SLC12A7: variants seen among roughly 807,000 people sequenced by gnomAD.
SLC12A7 encodes solute carrier family 12 member 7.
In SLC12A7, 100 loss-of-function variants were observed where a neutral mutation model predicts 120.6. The ratio of observed to expected loss-of-function variants is 0.83; its 90% CI spans 0.71 to 0.98. SLC12A7 has a LOEUF of 0.98. Among genes scored for constraint, SLC12A7 ranks in the 50% least tolerant of loss-of-function variants. The probability of loss-of-function intolerance (pLI) is 0.00; values close to 1 mark genes in which losing one functional copy is unlikely to be tolerated. For missense variants in SLC12A7, 1,373 were observed against 1,548.1 expected, an observed-to-expected ratio of 0.89 and a Z score of 1.90; for synonymous variants, 760 against 678.0, an observed-to-expected ratio of 1.12 and a Z score of -1.88.
intron 21 of SLC12A7, 30 bp downstream of exon 21, chr5:1,060,314 C>T (rs1736050540): frequency 2.0e-6 from 3 of 1,538,292 alleles, no homozygotes; most frequent in Non-Finnish European, 2.7e-6. Flanking sequence ...CTCAGAAAGC[C>T]TGGTGTCTGT....
At chr5:1,130,129 T>C in the SLC12A7 span, among the ~76,000 whole-genome samples, 1 of 152,188 alleles carries the variant, frequency 6.6e-6, no homozygotes. Flanking sequence ...CCGTTTGGTT[T>C]ACAGGAGTAT....
At chr5:1,117,233 A>G in the SLC12A7 span, among the ~76,000 whole-genome samples, 1 of 151,996 alleles carries the variant, frequency 6.6e-6, no homozygotes, top group Admixed American at 6.6e-5. This position sits in a 1 kb window ranked among gnomAD's most constrained non-coding sequence, Gnocchi z 4.5. Context: ...TTCGCTGGGG[A>G]GGCAGCCAGG....
At chr5:1,152,084 G>T in the SLC12A7 span, among the ~76,000 whole-genome samples, 1 of 152,116 alleles carries the variant, frequency 6.6e-6, no homozygotes, top group African/African-American at 2.4e-5. Flanking sequence ...GGGCCAGGGG[G>T]CTCTGCCATT....
At chr5:1,076,310 C>T in intron 13 of SLC12A7, 74 bp from the exon 14 acceptor site, 2 of 1,179,272 alleles carry the variant, frequency 1.7e-6, no homozygotes. Flanking sequence ...ACCTGGGAGA[C>T]CACCCTTGTC....
At chr5:1,078,869 C>A (rs1412982628) in intron 10 of SLC12A7, 111 bp from the exon 11 acceptor site, 3 of 747,480 alleles carry the variant, frequency 4.0e-6, no homozygotes, top group Middle Eastern at 3.7e-4. Flanking sequence ...CAGCGGGCCG[C>A]AGGATCCAGG....
chr5:1,125,696 G>A, the SLC12A7 span, among the ~76,000 whole-genome samples: 1 of 152,116 alleles, frequency 6.6e-6, no homozygotes, highest in Non-Finnish European at 1.5e-5. Flanking sequence ...AGGCCGAGGC[G>A]AGCAGATCAC....
At chr5:1,153,164 G>C in the SLC12A7 span, among the ~76,000 whole-genome samples, 1 of 152,206 alleles carries the variant, frequency 6.6e-6, no homozygotes, top group East Asian at 1.9e-4. Flanking sequence ...ATGGCCGTGG[G>C]CACAGGGTCT....
At chr5:1,087,161 C>T (rs1361001775) in intron 5 of SLC12A7, 128 bp from the exon 6 acceptor site, 1 of 1,256,350 alleles carries the variant, frequency 8.0e-7, no homozygotes, top group Admixed American at 2.8e-5. Flanking sequence ...AGACCCTCGT[C>T]CACCCGCAAA....
At chr5:1,136,642 C>T in the SLC12A7 span, among the ~76,000 whole-genome samples, 6 of 140,154 alleles carry the variant, frequency 4.3e-5, no homozygotes, top group African/African-American at 1.7e-4. Context: ...CCAGGACACG[C>T]AGGCACACAT....
At chr5:1,090,759 G>C (rs1263921600) in intron 3 of SLC12A7, among the ~76,000 whole-genome samples, 1 of 152,310 alleles carries the variant, frequency 6.6e-6, no homozygotes, top group Middle Eastern at 3.4e-3. Flanking sequence ...GCTGGTTCTC[G>C]GCCAAAGGCG....
the SLC12A7 span, among the ~76,000 whole-genome samples, chr5:1,124,632 T>C: frequency 6.6e-6 from 1 of 151,508 alleles, no homozygotes. Context: ...GCTGGACACA[T>C]TGAACACTCA....
chr5:1,122,234 C>G, the SLC12A7 span, among the ~76,000 whole-genome samples: 1 of 152,196 alleles, frequency 6.6e-6, no homozygotes, highest in Non-Finnish European at 1.5e-5. Flanking sequence ...ACGTGTCACC[C>G]CAACCCTTGA....
chr5:1,153,248 C>G, the SLC12A7 span, among the ~76,000 whole-genome samples: 1 of 152,328 alleles, frequency 6.6e-6, no homozygotes, highest in African/African-American at 2.4e-5. Flanking sequence ...AGCCTCCAAG[C>G]ACCCACCCCA....
intron 1 of SLC12A7, among the ~76,000 whole-genome samples, chr5:1,098,238 A>G (rs201978769): frequency 0.15 from 1,342 of 8,698 alleles, 15 homozygotes; most frequent in Admixed American, 0.23. Context: ...CCCTCTGCAC[A>G]CCCAGCCCCC....
At chr5:1,057,075 A>G (rs1223208209) in intron 22 of SLC12A7, 3 of 173,228 alleles carry the variant, frequency 1.7e-5, no homozygotes, top group Non-Finnish European at 3.6e-5. Flanking sequence ...TGGCCCAGGT[A>G]CCAGGAGGAC....
At chr5:1,077,348 C>A (rs1237282240) in intron 12 of SLC12A7, among the ~76,000 whole-genome samples, 2 of 152,212 alleles carry the variant, frequency 1.3e-5, no homozygotes, top group Non-Finnish European at 2.9e-5. Context: ...TGCCCCTGGG[C>A]CCAGGTAGCA....
chr5:1,101,111 C>T (rs1044577216), intron 1 of SLC12A7, among the ~76,000 whole-genome samples: 1 of 152,182 alleles, frequency 6.6e-6, no homozygotes, highest in Non-Finnish European at 1.5e-5. Flanking sequence ...CTGGGAACAG[C>T]CTGTTTCAGC....
the SLC12A7 span, among the ~76,000 whole-genome samples, chr5:1,150,034 G>GA: frequency 6.6e-6 from 1 of 151,978 alleles, no homozygotes; most frequent in East Asian, 1.9e-4. Context: ...CCACCTCAAA[G>GA]AAAAAAACAA....
At chr5:1,110,682 T>C (rs6864465) in intron 1 of SLC12A7, among the ~76,000 whole-genome samples, 79,232 of 152,092 alleles carry the variant, frequency 0.52, 21,692 homozygotes, top group Non-Finnish European at 0.62. Context: ...CGGTGGTGAC[T>C]GGAGAGAAGG....
Sources: allele counts gnomAD v4.1 joint callset (sites outside exome capture counted in the v4.1 genomes callset), GRCh38; gene constraint gnomAD v4.1.1; non-coding constraint Gnocchi (gnomAD v3.1); transcripts MANE v1.5; gene names NCBI Gene and HGNC (gene_info 2026-07-23, HGNC 2026-07-21).